Variants in IQCK observed in about 807,000 individuals in gnomAD.
IQCK encodes the protein IQ domain-containing protein K.
A neutral mutation model predicts 28.1 loss-of-function variants in IQCK; 29 were observed. The ratio of observed to expected loss-of-function variants is 1.03; its 90% CI spans 0.77 to 1.41. The LOEUF (loss-of-function observed/expected upper bound fraction) is 1.41, where lower values mean the gene tolerates loss of function less well. Among genes scored for constraint, IQCK ranks in the 40% most tolerant of loss-of-function variants. The pLI is 0.00. For missense variants in IQCK, 359 were observed against 314.7 expected (o/e 1.14, Z -1.07); for synonymous variants, 113 against 115.1 (o/e 0.98, Z 0.12).
At chr16:19,736,064 CAAAAA>C (rs759203259) in intron 4 of IQCK, 1 of 389,770 alleles carries the variant, frequency 2.6e-6, no homozygotes, top group African/African-American at 2.1e-5. Flanking sequence ...ACCCTCAACT[CAAAAA>C]AAAAATCCCA....
At chr16:19,853,884 T>C (rs773715095) in intron 9 of IQCK, among the ~76,000 whole-genome samples, 9 of 152,242 alleles carry the variant, frequency 5.9e-5, no homozygotes, top group Non-Finnish European at 1.2e-4. Flanking sequence ...TGCCTCGGCC[T>C]CCCAGAGTGC....
At position 19,827,022 on chromosome 16, in the gene IQCK, C is replaced by G. The variant is rs1159373234; in HGVS notation, c.691-4C>G. Reference sequence around the variant, plus strand: ...GGGACTAAAGTTTTACTGGGATTTTCCAGGTTCGCTGTGATCCTGAGATTC... The same window carrying G: ...GGGACTAAAGTTTTACTGGGATTTTGCAGGTTCGCTGTGATCCTGAGATTC... On this transcript the variant is annotated splice_region_variant and splice_polypyrimidine_tract_variant and intron_variant, in intron 7 of 7. Coordinates refer to ENST00000564186, the Ensembl canonical transcript of IQCK. 6.2e-7 allele frequency: 1 copy of G among 1,605,336 alleles called. No individual in the cohort carries two copies. Among genetic ancestry groups the G allele is most frequent in the Non-Finnish European group, 8.5e-7 (1 of 1,172,034 alleles).
chr16:19,824,451 A>G (rs1398117471), intron 7 of IQCK, among the ~76,000 whole-genome samples: 2 of 152,178 alleles, frequency 1.3e-5, no homozygotes, highest in Non-Finnish European at 2.9e-5. Context: ...CTTCTGTTGT[A>G]CCGCCTGGTT....
intron 7 of IQCK, chr16:19,819,437 G>A (rs891843909): frequency 6.6e-6 from 1 of 151,862 alleles, no homozygotes; most frequent in African/African-American, 2.4e-5. Context: ...AGGTTGCAGT[G>A]AGCCGAGATC....
At chr16:19,804,519 C>T (rs903449284) in intron 7 of IQCK, among the ~76,000 whole-genome samples, 1 of 151,826 alleles carries the variant, frequency 6.6e-6, no homozygotes, top group African/African-American at 2.4e-5. Flanking sequence ...CCTACTGCAA[C>T]CTCCACCTCC....
intron 1 of IQCK, among the ~76,000 whole-genome samples, chr16:19,724,700 G>GT (rs1341741833): frequency 2.6e-5 from 4 of 151,674 alleles, no homozygotes; most frequent in Admixed American, 2.6e-4. Flanking sequence ...GGCTAATTTT[G>GT]TTTTTGTATT....
intron 9 of IQCK, among the ~76,000 whole-genome samples, chr16:19,852,337 G>T (rs1567203027): frequency 6.6e-6 from 1 of 152,050 alleles, no homozygotes; most frequent in Non-Finnish European, 1.5e-5. Context: ...GCCTCCAGAG[G>T]CTGCAGGGAG....
intron 9 of IQCK, among the ~76,000 whole-genome samples, chr16:19,842,476 GGTACCTTGGGAAATAACCATATT>G (rs2056372678): frequency 1.3e-5 from 2 of 152,128 alleles, no homozygotes; most frequent in African/African-American, 4.8e-5. Flanking sequence ...TACAAACCAA[GGTACCTTGGGAAATAACCATATT>G]AATGTACTTT....
At chr16:19,808,619 A>G (rs1197167823) in intron 7 of IQCK, among the ~76,000 whole-genome samples, 1 of 152,220 alleles carries the variant, frequency 6.6e-6, no homozygotes, top group Non-Finnish European at 1.5e-5. Context: ...AAACCTGTAT[A>G]TTAGCAGGAC....
chr16:19,843,344 A>G (rs1161745679), intron 9 of IQCK, among the ~76,000 whole-genome samples: 1 of 152,132 alleles, frequency 6.6e-6, no homozygotes, highest in Admixed American at 6.6e-5. Context: ...AAGAAACCCT[A>G]CACCCTTTAG....
At chr16:19,793,654 T>G (rs796195804) in intron 7 of IQCK, among the ~76,000 whole-genome samples, 1 of 130,442 alleles carries the variant, frequency 7.7e-6, no homozygotes, top group African/African-American at 3.4e-5. Context: ...TTTTTTTTTT[T>G]TTTTTTTTTT....
intron 4 of IQCK, chr16:19,761,320 C>T (rs1049587861): frequency 3.4e-5 from 15 of 439,370 alleles, no homozygotes; most frequent in Admixed American, 1.8e-4. Flanking sequence ...TTTTTCCCTC[C>T]TTCATCTCTC....
At chr16:19,836,162 T>A (rs570019079) in intron 9 of IQCK, among the ~76,000 whole-genome samples, 1 of 152,230 alleles carries the variant, frequency 6.6e-6, no homozygotes, top group Non-Finnish European at 1.5e-5. Context: ...AGAAGAAATA[T>A]ATCTGTAAAT....
intron 2 of IQCK, among the ~76,000 whole-genome samples, chr16:19,731,939 C>G (rs1567534497): frequency 6.6e-6 from 1 of 152,200 alleles, no homozygotes; most frequent in Non-Finnish European, 1.5e-5. Context: ...GGAAATCTAG[C>G]TGGACTTAAT....
At chr16:19,765,556 C>G (rs993602072) in intron 6 of IQCK, among the ~76,000 whole-genome samples, 1 of 151,920 alleles carries the variant, frequency 6.6e-6, no homozygotes. Context: ...AATTTAGACT[C>G]TCGGCTCTCA....
intron 7 of IQCK, among the ~76,000 whole-genome samples, chr16:19,817,189 A>G (rs911956844): frequency 2.6e-5 from 4 of 152,210 alleles, no homozygotes; most frequent in African/African-American, 9.6e-5. Flanking sequence ...GACTCCACAC[A>G]GTACTTTTAT....
At chr16:19,838,681 C>T (rs2056326955) in intron 9 of IQCK, among the ~76,000 whole-genome samples, 1 of 152,132 alleles carries the variant, frequency 6.6e-6, no homozygotes, top group South Asian at 2.1e-4. Context: ...AGGCACTTTG[C>T]ATATATTATT....
intron 4 of IQCK, among the ~76,000 whole-genome samples, chr16:19,737,953 C>G (rs1274130743): frequency 6.6e-6 from 1 of 152,184 alleles, no homozygotes; most frequent in Non-Finnish European, 1.5e-5. Flanking sequence ...CTGCTGGGCT[C>G]AAACTAGAAG....
chr16:19,750,618 T>C (rs1342664786), intron 4 of IQCK, among the ~76,000 whole-genome samples: 4 of 151,398 alleles, frequency 2.6e-5, no homozygotes, highest in East Asian at 2.0e-4. Context: ...TGTGCCACCA[T>C]GCCCGGCTAA....
Sources: allele counts gnomAD v4.1 joint callset (sites outside exome capture counted in the v4.1 genomes callset), GRCh38; gene constraint gnomAD v4.1.1; transcripts MANE v1.5; gene names NCBI Gene and HGNC (gene_info 2026-07-23, HGNC 2026-07-21).